Variants in BAIAP2L1 observed in about 807,000 individuals in gnomAD.
BAIAP2L1 encodes BAR/IMD domain containing adaptor protein 2 like 1.
In BAIAP2L1, 35 loss-of-function variants were observed where a neutral mutation model predicts 66.3. That is an observed-to-expected ratio of 0.53 (90% confidence interval 0.40 to 0.70). The LOEUF (loss-of-function observed/expected upper bound fraction) is 0.70. BAIAP2L1 is among the 30% of genes least tolerant of loss of function. BAIAP2L1 has a pLI of 0.00. For synonymous variants in BAIAP2L1, 269 were observed against 248.7 expected (o/e 1.08, Z -0.77); for missense variants, 622 against 656.9 (o/e 0.95, Z 0.58).
chr7:98,320,032 G>C, intron 5 of BAIAP2L1, 26 bp downstream of exon 5: 1 of 1,598,586 alleles, frequency 6.3e-7, no homozygotes. Flanking sequence ...CCCAAGGCTG[G>C]GGCTGGAGGA....
At chr7:98,309,787 G>A (rs184019355) in intron 9 of BAIAP2L1, 2 of 151,524 alleles carry the variant, frequency 1.3e-5, no homozygotes, top group Non-Finnish European at 2.9e-5. Context: ...CGAGGGTCCT[G>A]GGTGCTAAAG....
intron 3 of BAIAP2L1, among the ~76,000 whole-genome samples, chr7:98,327,906 G>A (rs956304113): frequency 4.6e-5 from 7 of 152,076 alleles, no homozygotes; most frequent in East Asian, 1.9e-4. Context: ...TATTATTAAC[G>A]CTTTGCTTAA....
chr7:98,303,512 T>C (rs1490229507), intron 12 of BAIAP2L1, among the ~76,000 whole-genome samples: 5 of 152,168 alleles, frequency 3.3e-5, no homozygotes, highest in Non-Finnish European at 2.9e-5. Context: ...GCTTCTAGTG[T>C]CAGTGTTTTT....
At chr7:98,365,635 C>A (rs1255067139) in intron 1 of BAIAP2L1, among the ~76,000 whole-genome samples, 1 of 152,084 alleles carries the variant, frequency 6.6e-6, no homozygotes, top group African/African-American at 2.4e-5. Flanking sequence ...TGCGCCACCA[C>A]GCCTGGCTAA....
At chr7:98,325,404 G>A (rs553564382) in intron 3 of BAIAP2L1, among the ~76,000 whole-genome samples, 57 of 152,024 alleles carry the variant, frequency 3.7e-4, no homozygotes, top group African/African-American at 1.3e-3. Context: ...GAGGCCAGGT[G>A]TGGTGGCTCA....
intron 2 of BAIAP2L1, among the ~76,000 whole-genome samples, chr7:98,360,823 C>T (rs562640030): frequency 1.3e-5 from 2 of 152,224 alleles, no homozygotes; most frequent in South Asian, 2.1e-4. Flanking sequence ...CACTGGAGGG[C>T]AAGGGAGCAA....
chr7:98,353,956 T>C (rs1392505346), intron 3 of BAIAP2L1, among the ~76,000 whole-genome samples: 1 of 139,508 alleles, frequency 7.2e-6, no homozygotes, highest in African/African-American at 2.7e-5. Context: ...AGCAAGACTC[T>C]GTCTCAATAA....
At chr7:98,319,140 C>T (rs1275293426) in intron 5 of BAIAP2L1, among the ~76,000 whole-genome samples, 13 of 152,102 alleles carry the variant, frequency 8.5e-5, no homozygotes, top group Non-Finnish European at 5.9e-5. Context: ...CAGGGCAACT[C>T]GCACACTCAC....
Position 98,292,545 on chromosome 7 carries a change from C to T in BAIAP2L1, c.*976G>A. ...CAAAGATGATTTCCAGCCCCGGGCT[C>T]AGGGCAGCCAGTGCGTAGTCCTCAC... is the stretch of plus-strand genomic sequence containing the variant. On this transcript the variant is annotated 3_prime_UTR_variant, in exon 14 of 14. Coordinates refer to ENST00000005260, the MANE Select transcript of BAIAP2L1 (RefSeq NM_018842.5). 8.2e-7 allele frequency: 1 copy of T among 1,225,636 alleles called. No individual in the cohort carries two copies. Among genetic ancestry groups the T allele is most frequent in the Admixed American group, 2.1e-5 (1 of 48,702 alleles). 75.9% of individuals were successfully genotyped at this position (1,225,636 alleles called of 1,614,324 possible).
chr7:98,354,990 G>A, intron 3 of BAIAP2L1, 52 bp downstream of exon 3: 1 of 1,380,406 alleles, frequency 7.2e-7, no homozygotes, highest in Non-Finnish European at 1.0e-6. Flanking sequence ...GTTTCTCTTG[G>A]GGTTCACAGG....
At chr7:98,358,213 T>C (rs1181827780) in intron 2 of BAIAP2L1, among the ~76,000 whole-genome samples, 1 of 152,210 alleles carries the variant, frequency 6.6e-6, no homozygotes, top group Non-Finnish European at 1.5e-5. Flanking sequence ...ATCTTTGCTA[T>C]GATGATAAAG....
intron 12 of BAIAP2L1, among the ~76,000 whole-genome samples, chr7:98,295,551 C>T (rs1216342954): frequency 6.6e-6 from 1 of 152,158 alleles, no homozygotes; most frequent in Non-Finnish European, 1.5e-5. Context: ...CGCATGTGCT[C>T]ACGGTGCTGG....
At chr7:98,394,728 GTC>G (rs1270084743) in intron 1 of BAIAP2L1, among the ~76,000 whole-genome samples, 7 of 152,168 alleles carry the variant, frequency 4.6e-5, no homozygotes, top group African/African-American at 1.7e-4. Context: ...CTGCTCCTGT[GTC>G]TCTATCCAAG....
intron 1 of BAIAP2L1, among the ~76,000 whole-genome samples, chr7:98,376,464 T>C (rs1802632603): frequency 6.6e-6 from 1 of 151,692 alleles, no homozygotes; most frequent in African/African-American, 2.4e-5. Context: ...CGAGCCACGA[T>C]CACACAACCA....
At chr7:98,388,424 T>C (rs1802947775) in intron 1 of BAIAP2L1, among the ~76,000 whole-genome samples, 1 of 152,092 alleles carries the variant, frequency 6.6e-6, no homozygotes, top group Non-Finnish European at 1.5e-5. Flanking sequence ...ACCCGGGAAG[T>C]GGAGGTTGCA....
At chr7:98,320,024 C>T in intron 5 of BAIAP2L1, 34 bp downstream of exon 5, 1 of 1,585,538 alleles carries the variant, frequency 6.3e-7, no homozygotes, top group Non-Finnish European at 8.6e-7. Context: ...TCAGGCAGCC[C>T]AAGGCTGGGG....
intron 1 of BAIAP2L1, among the ~76,000 whole-genome samples, chr7:98,387,272 C>G (rs181483710): frequency 5.4e-4 from 82 of 152,254 alleles, no homozygotes; most frequent in Non-Finnish European, 9.3e-4. Context: ...TCTGGATGGG[C>G]ACAGACCTTC....
chr7:98,392,313 C>G (rs1371423088), intron 1 of BAIAP2L1, among the ~76,000 whole-genome samples: 2 of 152,062 alleles, frequency 1.3e-5, no homozygotes, highest in Non-Finnish European at 2.9e-5. Context: ...CCATTTCACT[C>G]CAGCCTGGGC....
chr7:98,369,741 G>A (rs963577035), intron 1 of BAIAP2L1, among the ~76,000 whole-genome samples: 6 of 144,808 alleles, frequency 4.1e-5, no homozygotes, highest in Non-Finnish European at 7.4e-5. Flanking sequence ...GTGCCATCTC[G>A]GCTCACTGCA....
Sources: allele counts gnomAD v4.1 joint callset (sites outside exome capture counted in the v4.1 genomes callset), GRCh38; gene constraint gnomAD v4.1.1; transcripts MANE v1.5; gene names NCBI Gene and HGNC (gene_info 2026-07-23, HGNC 2026-07-21).